Variants in NBEAL2 observed in about 807,000 individuals in gnomAD.
NBEAL2 encodes the protein neurobeachin like 2.
NBEAL2 carries 160 observed loss-of-function variants against 299.8 expected under a neutral mutation model. The observed-to-expected ratio is 0.53, with a 90% CI of 0.47 to 0.61. The LOEUF (loss-of-function observed/expected upper bound fraction) is 0.61. Ranked by LOEUF, NBEAL2 falls within the 20% of genes least tolerant of loss-of-function variation. NBEAL2 has a pLI of 0.00. For synonymous variants in NBEAL2, 1,493 were observed against 1,542.3 expected, an observed-to-expected ratio of 0.97 and a Z score of 0.75; for missense variants, 3,112 against 3,649.0, an observed-to-expected ratio of 0.85 and a Z score of 3.79.
chr3:46,996,140 G>A (rs914164976), intron 15 of NBEAL2, 89 bp downstream of exon 15: 13 of 1,546,768 alleles, frequency 8.4e-6, no homozygotes, highest in Admixed American at 1.9e-5. Flanking sequence ...CTTGTGTCCC[G>A]TGCTGCCCCA....
Position 46,989,720 on chromosome 3 carries a change from G to A in NBEAL2, c.556+127G>A, listed in dbSNP as rs1366599813. The A allele has an allele frequency of 4.7e-6, 4 of 847,262 alleles. No individual in the cohort carries two copies. In the East Asian group the frequency reaches 8.0e-5, roughly 17 times the overall value. The allele number at this position is 847,262 out of a possible 1,614,324, so 52.5% of individuals were successfully genotyped here. A position where few individuals can be genotyped will look rare whatever the true frequency, so the allele number is the denominator to read the frequency against. ...TGCATGCAGGACTGGGAGAACCAAA[G>A]ACCAAGCAAGAGTTTAGGGACAGAG... On this transcript the variant is annotated intron_variant, in intron 6 of 53. Coordinates refer to ENST00000450053, the MANE Select transcript of NBEAL2 (RefSeq NM_015175.3). This position sits in a 1 kb window ranked among gnomAD's most constrained non-coding sequence, Gnocchi z 5.5.
chr3:47,007,169 G>A lies in NBEAL2; in HGVS notation c.7224+14G>A, dbSNP rs767598279. Reference sequence around the variant, plus strand: ...CCAGACCTGTTGGTAAGTGCATTGTGCAGAGCCCCAGCTCAGCTCCACTCC... The same window carrying A: ...CCAGACCTGTTGGTAAGTGCATTGTACAGAGCCCCAGCTCAGCTCCACTCC... On this transcript the variant is annotated intron_variant, in intron 46 of 53. Transcript: ENST00000450053. 2 of 1,613,124 alleles carry A rather than the reference G, an allele frequency of 1.2e-6. No individual in the cohort carries two copies. Among genetic ancestry groups the A allele is most frequent in the South Asian group, 1.1e-5 (1 of 90,922 alleles).
Position 46,988,606 on chromosome 3 carries a change from G to C in NBEAL2, c.52-63G>C. On this transcript the variant is annotated intron_variant, in intron 1 of 53. Coordinates refer to ENST00000450053, the MANE Select transcript of NBEAL2 (RefSeq NM_015175.3). The surrounding 1 kb of genome is among the most constrained non-coding windows in gnomAD (Gnocchi z 4.4). ...TCTTCGCCTCTGTCTACATCCCCTT[G>C]TCCCTGCCCTGTTTACTGCATCCCT... 7.1e-7 allele frequency: 1 copy of C among 1,405,414 alleles called. No individual in the cohort carries two copies. The highest frequency in any genetic ancestry group is 2.3e-5 in the East Asian group (1 of 43,144). The allele number at this position is 1,405,414 out of a possible 1,614,324, so 87.1% of individuals were successfully genotyped here.
rs773258897 is a variant in NBEAL2 at position 47,001,208 on chromosome 3, G to A, written c.4484+29G>A. 3.7e-6 allele frequency: 6 copies of A among 1,602,712 alleles called. No individual in the cohort carries two copies. ...AGAGGGAAAGTCTGGAGGGGGAGGGGCTTCAGGAAGCCTCGGGGGAAGGAG... is the reference window on the plus strand; with the variant it reads ...AGAGGGAAAGTCTGGAGGGGGAGGGACTTCAGGAAGCCTCGGGGGAAGGAG... On this transcript the variant is annotated intron_variant, in intron 28 of 53. Transcript: ENST00000450053. The surrounding 1 kb of genome is among the most constrained non-coding windows in gnomAD (Gnocchi z 6.1).
Position 46,999,323 on chromosome 3 carries a change from C to T in NBEAL2, c.3552C>T (p.Arg1184=). The change falls in exon 25 of 54, where the codon CGC becomes CGT. Residue 1184 remains arginine, a synonymous_variant. Coordinates refer to ENST00000450053, the MANE Select transcript of NBEAL2 (RefSeq NM_015175.3). ...LLPDRVCKIL[R]RLQQNERLPE... is the part of the protein sequence containing the mutation. ...CGATGACCCCCACACAGATCCTGCG[C>T]AGACTGCAGCAGAATGAGCGGCTAC... 6.2e-7 allele frequency: 1 copy of T among 1,609,428 alleles called. No individual in the cohort carries two copies. Among genetic ancestry groups the T allele is most frequent in the Non-Finnish European group, 8.5e-7 (1 of 1,177,998 alleles).
At chr3:46,980,896 A>G (rs1026195432) in intron 1 of NBEAL2, among the ~76,000 whole-genome samples, 1 of 152,200 alleles carries the variant, frequency 6.6e-6, no homozygotes, top group Non-Finnish European at 1.5e-5. Context: ...CCTGGGCACA[A>G]TGGACCATTG....
chr3:47,007,738 G>A lies in NBEAL2; in HGVS notation c.7507+41G>A, dbSNP rs749323504. On this transcript the variant is annotated intron_variant, in intron 48 of 53. Transcript: ENST00000450053. ...GAGCTGGGGAGAATGAGGCACACAGGTATGGGGCCGGGTTCTGAGGCTGGC... is the reference window on the plus strand; with the variant it reads ...GAGCTGGGGAGAATGAGGCACACAGATATGGGGCCGGGTTCTGAGGCTGGC... The A allele has an allele frequency of 9.3e-6, 15 of 1,609,232 alleles. No homozygotes were observed. In the South Asian group the frequency reaches 1.5e-4, roughly 17 times the overall value.
intron 16 of NBEAL2, 76 bp downstream of exon 16, chr3:46,996,668 G>C (rs1445997873): frequency 6.5e-7 from 1 of 1,538,964 alleles, no homozygotes; most frequent in Admixed American, 1.9e-5. Flanking sequence ...CATCTCTGGG[G>C]GTCTCTCCTG....
In NBEAL2 at chr3:46,988,721, A is replaced by G. The variant is rs762844730; in HGVS notation, c.104A>G (p.Lys35Arg). The change falls in exon 2 of 54, where the codon AAG (lysine) becomes AGG (arginine). Residue 35 changes from lysine to arginine, a missense_variant. Lys to Arg is a conservative substitution (Grantham distance 26). This residue lies in a region of NBEAL2 where 2,243 missense variants were observed against 2,538.1 expected (regional missense o/e 0.88). Transcript: ENST00000450053. The surrounding 1 kb of genome is among the most constrained non-coding windows in gnomAD (Gnocchi z 4.4). The part of the protein sequence containing the change: ...QWLKAFVGAF[K>R]KSISLSSLEP... ...CTGAAGGCCTTTGTAGGTGCCTTCA[A>G]GAAGAGCATCTCACTGTCCTCTCTG... The G allele has an allele frequency of 1.5e-4, 241 of 1,613,772 alleles. No homozygotes were observed. The highest frequency in any genetic ancestry group is 1.9e-4 in the Non-Finnish European group (230 of 1,179,822).
Position 47,007,533 on chromosome 3 carries a change from G to T in NBEAL2, c.7343G>T (p.Arg2448Leu). The change falls in exon 48 of 54, where the codon CGA (arginine) becomes CTA (leucine). Residue 2448 changes from arginine to leucine, a missense_variant. Arg to Leu is a moderately radical substitution (Grantham distance 102, BLOSUM62 -2). Coordinates refer to ENST00000450053, the MANE Select transcript of NBEAL2 (RefSeq NM_015175.3). ...DPTMGSHKTQ[R>L]LLSGPWVPGS... ...CCCCCTCACTGGGTCAGGACGCAGC[G>T]ACTGCTGAGTGGCCCGTGGGTGCCA... The T allele has an allele frequency of 6.2e-7, 1 of 1,611,666 alleles. No individual in the cohort carries two copies. Among genetic ancestry groups the T allele is most frequent in the South Asian group, 1.1e-5 (1 of 90,662 alleles).
At chr3:47,005,156 C>T (rs2037329879) in intron 39 of NBEAL2, 25 bp from the exon 40 acceptor site, 1 of 1,613,640 alleles carries the variant, frequency 6.2e-7, no homozygotes, top group Non-Finnish European at 8.5e-7. Flanking sequence ...AGGGCTTCTG[C>T]TGACACGTCC....
At chr3:46,996,124 G>T in intron 15 of NBEAL2, 73 bp downstream of exon 15, 1 of 1,551,968 alleles carries the variant, frequency 6.4e-7, no homozygotes, top group Non-Finnish European at 8.7e-7. Context: ...GGTGTAGCCT[G>T]GAGCCCTTGT....
Position 46,989,505 on chromosome 3 carries a change from C to T in NBEAL2, c.474-6C>T. 1 of 1,587,130 alleles carries T rather than the reference C, an allele frequency of 6.3e-7. No homozygotes were observed. ...GGGCTGATGTACTTGGCCTCACTGC[C>T]CCCAGGGAAGTCATCAGCTCCAAGG... On this transcript the variant is annotated splice_region_variant and splice_polypyrimidine_tract_variant and intron_variant, in intron 5 of 53. Coordinates refer to ENST00000450053, the MANE Select transcript of NBEAL2 (RefSeq NM_015175.3). The surrounding 1 kb of genome is among the most constrained non-coding windows in gnomAD (Gnocchi z 5.5).
intron 20 of NBEAL2, 75 bp downstream of exon 20, chr3:46,997,769 C>T: frequency 4.2e-6 from 6 of 1,422,784 alleles, no homozygotes; most frequent in Non-Finnish European, 5.5e-6. Flanking sequence ...GAGTGGGGAA[C>T]CCTGTCAGTC....
At chr3:46,987,733 T>C (rs543571833) in intron 1 of NBEAL2, among the ~76,000 whole-genome samples, 2 of 152,112 alleles carry the variant, frequency 1.3e-5, no homozygotes, top group Non-Finnish European at 2.9e-5. Context: ...GGATAAGAGC[T>C]CTTCCAGGCG....
Position 46,991,161 on chromosome 3 carries a change from C to CA in NBEAL2, c.557-58_557-57insA. The CA allele has an allele frequency of 6.8e-7, 1 of 1,468,326 alleles. No individual in the cohort carries two copies. Among genetic ancestry groups the CA allele is most frequent in the South Asian group, 1.2e-5 (1 of 82,984 alleles). 91.0% of individuals were successfully genotyped at this position (1,468,326 alleles called of 1,614,324 possible). ...GGGCACTCACCTCTTGTGCAGCCCC[C>CA]TGGGTCCATAGCCCTGCAACCTTGG... On this transcript the variant is annotated intron_variant, in intron 6 of 53. Transcript: ENST00000450053. This position sits in a 1 kb window ranked among gnomAD's most constrained non-coding sequence, Gnocchi z 6.2.
Position 46,988,971 on chromosome 3 carries a change from G to A in NBEAL2, c.269+1G>A. 3 of 1,612,798 alleles carry A rather than the reference G, an allele frequency of 1.9e-6. No individual in the cohort carries two copies. The South Asian group carries it at 3.3e-5, about 18-fold the overall frequency. Reference sequence around the variant, plus strand: ...TCAAGCTCTTCATCATTCTCTGCAGGTGTCTCTGTTGTCCACTCTACAAGC... The same window carrying A: ...TCAAGCTCTTCATCATTCTCTGCAGATGTCTCTGTTGTCCACTCTACAAGC... On this transcript the variant is annotated splice_donor_variant, in intron 3 of 53. Transcript: ENST00000450053. LOFTEE classifies it high-confidence loss of function. This position sits in a 1 kb window ranked among gnomAD's most constrained non-coding sequence, Gnocchi z 4.4.
intron 1 of NBEAL2, among the ~76,000 whole-genome samples, chr3:46,986,438 C>T (rs1431544294): frequency 6.6e-6 from 1 of 152,160 alleles, no homozygotes; most frequent in African/African-American, 2.4e-5. Flanking sequence ...ATGTGAACCA[C>T]AGAGGGGGAG....
chr3:47,001,550 G>A lies in NBEAL2; in HGVS notation c.4644+112G>A. 1 of 1,551,878 alleles carries A rather than the reference G, an allele frequency of 6.4e-7. No individual in the cohort carries two copies. Among genetic ancestry groups the A allele is most frequent in the Non-Finnish European group, 8.7e-7 (1 of 1,145,114 alleles). ...CACGTGCGCAGGTGTGGGTGCATCA[G>A]CATGAATGCCTGTGAGTGTGGACTT... On this transcript the variant is annotated intron_variant, in intron 29 of 53. Transcript: ENST00000450053. The surrounding 1 kb of genome is among the most constrained non-coding windows in gnomAD (Gnocchi z 6.1).
Sources: allele counts gnomAD v4.1 joint callset (sites outside exome capture counted in the v4.1 genomes callset), GRCh38; gene constraint gnomAD v4.1.1; regional missense constraint gnomAD v4.1.1; non-coding constraint Gnocchi (gnomAD v3.1); transcripts MANE v1.5; gene names NCBI Gene and HGNC (gene_info 2026-07-23, HGNC 2026-07-21).